Variants in IMMP2L observed in about 807,000 individuals in gnomAD.
The protein encoded by IMMP2L is inner mitochondrial membrane peptidase subunit 2, also known as mitochondrial inner membrane protease subunit 2.
In IMMP2L, 18 loss-of-function variants were observed where a neutral mutation model predicts 19.3. The observed-to-expected ratio is 0.93, with a 90% CI of 0.64 to 1.38. IMMP2L has a LOEUF of 1.38. Ranked by LOEUF, IMMP2L falls within the 40% of genes most tolerant of loss-of-function variation. The pLI, the probability that IMMP2L is intolerant of heterozygous loss-of-function variation, is 0.00. For missense variants in IMMP2L, 233 were observed against 218.2 expected (o/e 1.07, Z -0.43); for synonymous variants, 76 against 73.0 (o/e 1.04, Z -0.21).
intron 4 of IMMP2L, among the ~76,000 whole-genome samples, chr7:110,915,896 G>T (rs1009470853): frequency 2.0e-5 from 3 of 152,152 alleles, no homozygotes; most frequent in Admixed American, 6.5e-5. Flanking sequence ...TGAAAATCAT[G>T]CCATCTCCTG....
intron 1 of IMMP2L, among the ~76,000 whole-genome samples, chr7:111,559,013 A>G (rs1791705229): frequency 6.6e-6 from 1 of 152,032 alleles, no homozygotes; most frequent in Non-Finnish European, 1.5e-5. Flanking sequence ...ACTAGAAGAA[A>G]CCTATGGGAA....
chr7:111,103,884 G>T (rs1798250232), intron 3 of IMMP2L, among the ~76,000 whole-genome samples: 1 of 151,562 alleles, frequency 6.6e-6, no homozygotes, highest in African/African-American at 2.4e-5. Flanking sequence ...GTCCATGCCT[G>T]ATCCCTTAAT....
intron 3 of IMMP2L, among the ~76,000 whole-genome samples, chr7:111,292,829 G>A (rs548762797): frequency 3.9e-5 from 6 of 152,040 alleles, no homozygotes; most frequent in Admixed American, 6.6e-5. Flanking sequence ...AGAGTGATAC[G>A]TGCTCTGCAT....
chr7:111,239,880 G>A (rs1180969079), intron 3 of IMMP2L, among the ~76,000 whole-genome samples: 1 of 151,802 alleles, frequency 6.6e-6, no homozygotes, highest in Non-Finnish European at 1.5e-5. Flanking sequence ...AATTCCTGTT[G>A]TTCTTTTTAA....
chr7:110,975,777 T>C (rs546478679), intron 3 of IMMP2L, among the ~76,000 whole-genome samples: 1 of 152,126 alleles, frequency 6.6e-6, no homozygotes, highest in African/African-American at 2.4e-5. Flanking sequence ...TATAGTGTCA[T>C]AGTAACAGTT....
At chr7:111,522,939 T>TATATA (rs1563308511) in intron 1 of IMMP2L, among the ~76,000 whole-genome samples, 1 of 108,010 alleles carries the variant, frequency 9.3e-6, no homozygotes, top group African/African-American at 5.0e-5. Flanking sequence ...ATATATATAT[T>TATATA]ATTTCACCAT....
chr7:111,444,650 A>C (rs911151522), intron 3 of IMMP2L, among the ~76,000 whole-genome samples: 2 of 152,100 alleles, frequency 1.3e-5, no homozygotes, highest in African/African-American at 4.8e-5. Context: ...TCAAGTATTT[A>C]ACCATCAAAT....
chr7:111,519,803 T>G (rs1037229094), intron 2 of IMMP2L, among the ~76,000 whole-genome samples: 3 of 152,082 alleles, frequency 2.0e-5, no homozygotes, highest in Non-Finnish European at 4.4e-5. Context: ...TAAGGAGATT[T>G]TGTGTTCTGG....
intron 3 of IMMP2L, among the ~76,000 whole-genome samples, chr7:111,136,232 T>C (rs1248776879): frequency 1.3e-5 from 2 of 152,164 alleles, no homozygotes; most frequent in Non-Finnish European, 2.9e-5. Flanking sequence ...TTCACCATCT[T>C]GGCCAGGCTA....
intron 3 of IMMP2L, among the ~76,000 whole-genome samples, chr7:111,049,193 T>C (rs554709329): frequency 1.4e-5 from 2 of 138,186 alleles, no homozygotes; most frequent in African/African-American, 5.4e-5. Context: ...TGCAGTGGCG[T>C]CATCTCGGCT....
intron 3 of IMMP2L, among the ~76,000 whole-genome samples, chr7:111,149,516 A>T (rs1221110185): frequency 6.6e-6 from 1 of 152,188 alleles, no homozygotes. Context: ...ACAGTCAATT[A>T]ACACATAAAT....
Position 110,758,409 on chromosome 7 carries a change from C to T in IMMP2L, c.409-94688G>A, listed in dbSNP as rs146425532. On this transcript the variant is annotated intron_variant, in intron 5 of 5. Coordinates refer to ENST00000405709, the MANE Select transcript of IMMP2L (RefSeq NM_032549.4). The surrounding 1 kb of genome is among the most constrained non-coding windows in gnomAD (Gnocchi z 4.6). ...AAAATATATAGGATAACAAACAGCA[C>T]GTTAGTATGCTATTGGAAAAGATCT... 1.4e-4 allele frequency among the ~76,000 whole-genome samples: 21 copies of T among 152,020 alleles called. No individual in the cohort carries two copies. The highest frequency in any genetic ancestry group is 4.1e-4 in the South Asian group (2 of 4,822).
chr7:111,546,929 A>C (rs749926286), intron 1 of IMMP2L, among the ~76,000 whole-genome samples: 28 of 152,216 alleles, frequency 1.8e-4, no homozygotes, highest in Non-Finnish European at 3.1e-4. Flanking sequence ...ACGAGAACTT[A>C]TTGTCTATAA....
chr7:111,467,320 G>A (rs575455976), intron 3 of IMMP2L, among the ~76,000 whole-genome samples: 1 of 152,254 alleles, frequency 6.6e-6, no homozygotes, highest in South Asian at 2.1e-4. Flanking sequence ...CTGACACATA[G>A]TAAGCTCTTA....
At chr7:110,997,382 G>A (rs1823150792) in intron 3 of IMMP2L, among the ~76,000 whole-genome samples, 1 of 151,984 alleles carries the variant, frequency 6.6e-6, no homozygotes, top group Non-Finnish European at 1.5e-5. Flanking sequence ...TTGTATCAAT[G>A]TAAGTTTCCA....
At chr7:110,670,760 A>G (rs1161336515) in intron 5 of IMMP2L, among the ~76,000 whole-genome samples, 2 of 152,140 alleles carry the variant, frequency 1.3e-5, no homozygotes, top group African/African-American at 4.8e-5. Flanking sequence ...AGGTCCATGA[A>G]ATGTCCTAAT....
intron 3 of IMMP2L, among the ~76,000 whole-genome samples, chr7:111,081,744 T>G (rs214897): frequency 6.6e-6 from 1 of 152,202 alleles, no homozygotes; most frequent in Non-Finnish European, 1.5e-5. Flanking sequence ...GACTTCCTCC[T>G]GTGACTTTCT....
At chr7:111,253,430 A>T (rs1816360993) in intron 3 of IMMP2L, among the ~76,000 whole-genome samples, 1 of 152,112 alleles carries the variant, frequency 6.6e-6, no homozygotes, top group South Asian at 2.1e-4. Context: ...GAGGTAGAGG[A>T]TCTGTAAACC....
intron 3 of IMMP2L, among the ~76,000 whole-genome samples, chr7:111,354,762 T>C (rs1326735146): frequency 6.6e-6 from 1 of 151,548 alleles, no homozygotes; most frequent in African/African-American, 2.4e-5. Context: ...GGAAAGAATA[T>C]TTTTTAACAA....
Sources: allele counts gnomAD v4.1 joint callset (sites outside exome capture counted in the v4.1 genomes callset), GRCh38; gene constraint gnomAD v4.1.1; non-coding constraint Gnocchi (gnomAD v3.1); transcripts MANE v1.5; gene names NCBI Gene and HGNC (gene_info 2026-07-23, HGNC 2026-07-21).